The following SMYD3 variants were observed in gnomAD, a reference collection of about 807,000 sequenced individuals.
SMYD3 encodes the protein SET and MYND domain containing 3.
A neutral mutation model predicts 57.7 loss-of-function variants in SMYD3; 36 were observed. That is an observed-to-expected ratio of 0.62 (90% confidence interval 0.48 to 0.82). The LOEUF is 0.82. SMYD3 is among the 40% of genes least tolerant of loss of function. The probability of loss-of-function intolerance (pLI) is 0.00; values close to 1 mark genes in which losing one functional copy is unlikely to be tolerated. For missense variants in SMYD3, 515 were observed against 538.8 expected (o/e 0.96, Z 0.44); for synonymous variants, 211 against 195.0 (o/e 1.08, Z -0.68).
chr1:245,939,729 G>C (rs1324091173), intron 5 of SMYD3, among the ~76,000 whole-genome samples: 1 of 152,178 alleles, frequency 6.6e-6, no homozygotes, highest in Non-Finnish European at 1.5e-5. Context: ...CTCTTCTCTA[G>C]TGTCTGCCTT....
intron 1 of SMYD3, among the ~76,000 whole-genome samples, chr1:246,477,910 G>A (rs2068049620): frequency 1.3e-5 from 2 of 152,162 alleles, no homozygotes; most frequent in Non-Finnish European, 2.9e-5. Context: ...CTACACTACT[G>A]GTACTAAGAC....
intron 1 of SMYD3, among the ~76,000 whole-genome samples, chr1:246,433,033 T>C (rs1164776725): frequency 6.6e-6 from 1 of 152,166 alleles, no homozygotes; most frequent in South Asian, 2.1e-4. Flanking sequence ...TCAAACTCTC[T>C]CTCTTTGCAG....
Position 246,507,097 on chromosome 1 carries a change from A to G in SMYD3, c.121T>C (p.Cys41Arg). The G allele has an allele frequency of 5.9e-6, 9 of 1,528,468 alleles. No homozygotes were observed. The highest frequency in any genetic ancestry group is 7.9e-6 in the Non-Finnish European group (9 of 1,137,986). 94.7% of individuals were successfully genotyped at this position (1,528,468 alleles called of 1,614,324 possible). Reference sequence around the variant, plus strand: ...CAGACGACGCCACGACTCCCCTTGCACACCGTGTACGCCAAGGGATCCGAG... The same window carrying G: ...CAGACGACGCCACGACTCCCCTTGCGCACCGTGTACGCCAAGGGATCCGAG... The part of the protein sequence containing the change: ...FRSDPLAYTV[C>R]KGSRGVVCDR... The change falls in exon 1 of 12, where the codon TGC becomes CGC. Residue 41 changes from cysteine (C) to arginine (R), a missense_variant. By Grantham distance (180) the Cys-to-Arg change is radical. Coordinates refer to ENST00000490107, the MANE Select transcript of SMYD3 (RefSeq NM_001167740.2).
chr1:245,921,264 A>G (rs2055904861), intron 7 of SMYD3, among the ~76,000 whole-genome samples: 1 of 152,194 alleles, frequency 6.6e-6, no homozygotes. Flanking sequence ...CTATTACTAA[A>G]AAGTCCAAAA....
rs572799416 is a variant in SMYD3, at chr1:246,449,976, C to G, written c.164+57078G>C. ...TTGACTACTGTGACAGAAAATGACC[C>G]AAACTAGTTCATGTAAAATCTCATC... On this transcript the variant is annotated intron_variant, in intron 1 of 11. Transcript: ENST00000490107. Among the ~76,000 whole-genome samples the G allele has an allele frequency of 7.2e-5, 11 of 152,218 alleles. 2 individuals are homozygous for G. In the South Asian group the frequency reaches 2.3e-3, roughly 32 times the overall value.
intron 5 of SMYD3, among the ~76,000 whole-genome samples, chr1:246,122,569 C>G (rs2061440198): frequency 6.6e-6 from 1 of 152,206 alleles, no homozygotes; most frequent in Non-Finnish European, 1.5e-5. Flanking sequence ...ATATTAATCC[C>G]ATTACATGCT....
At chr1:246,384,267 G>C (rs2066433772) in intron 1 of SMYD3, among the ~76,000 whole-genome samples, 1 of 152,070 alleles carries the variant, frequency 6.6e-6, no homozygotes, top group South Asian at 2.1e-4. Flanking sequence ...TAAACCTTCA[G>C]AGTTTCCATT....
At chr1:245,786,221 G>GGGGA (rs1553321397) in intron 10 of SMYD3, among the ~76,000 whole-genome samples, 1 of 147,354 alleles carries the variant, frequency 6.8e-6, no homozygotes, top group Non-Finnish European at 1.5e-5. Context: ...GACGGGGGGG[G>GGGGA]GATGGTGGCA....
intron 10 of SMYD3, among the ~76,000 whole-genome samples, chr1:245,798,484 CCACA>C (rs146927711): frequency 0.037 from 4,856 of 132,132 alleles, 98 homozygotes; most frequent in Middle Eastern, 0.12. Flanking sequence ...ACACAACACA[CCACA>C]CACACACACA....
intron 5 of SMYD3, among the ~76,000 whole-genome samples, chr1:245,949,469 A>C (rs2057543156): frequency 6.6e-6 from 1 of 152,124 alleles, no homozygotes; most frequent in Non-Finnish European, 1.5e-5. Context: ...AAGAAAAAAA[A>C]TCATATGGAG....
intron 8 of SMYD3, among the ~76,000 whole-genome samples, chr1:245,892,193 G>T (rs1201172020): frequency 6.6e-6 from 1 of 152,138 alleles, no homozygotes; most frequent in Non-Finnish European, 1.5e-5. Context: ...AGAAAATTAT[G>T]TGAACAATTC....
chr1:246,209,438 A>AT (rs2063052937), intron 5 of SMYD3, among the ~76,000 whole-genome samples: 1 of 152,212 alleles, frequency 6.6e-6, no homozygotes, highest in South Asian at 2.1e-4. Flanking sequence ...CAGGGTATAT[A>AT]TAACAAGAGG....
At chr1:246,100,370 G>A (rs532208660) in intron 5 of SMYD3, among the ~76,000 whole-genome samples, 7 of 152,326 alleles carry the variant, frequency 4.6e-5, no homozygotes, top group African/African-American at 1.7e-4. Flanking sequence ...CCGCTGCCTG[G>A]CAGCATGACG....
chr1:246,006,401 C>T (rs2059169115), intron 5 of SMYD3, among the ~76,000 whole-genome samples: 1 of 152,068 alleles, frequency 6.6e-6, no homozygotes, highest in Non-Finnish European at 1.5e-5. Flanking sequence ...ACGTAGGTTC[C>T]TCTTCCTACC....
At chr1:246,500,258 CT>C (rs1321810872) in intron 1 of SMYD3, among the ~76,000 whole-genome samples, 1 of 152,174 alleles carries the variant, frequency 6.6e-6, no homozygotes, top group Non-Finnish European at 1.5e-5. Flanking sequence ...GCCTTTTTGG[CT>C]TTTTCGATAG....
intron 1 of SMYD3, among the ~76,000 whole-genome samples, chr1:246,365,860 G>A (rs1033886090): frequency 8.5e-5 from 13 of 152,148 alleles, no homozygotes; most frequent in Admixed American, 5.9e-4. Flanking sequence ...TCTGAGAACC[G>A]CAGCCAAAAC....
At chr1:246,106,263 C>T (rs1170926766) in intron 5 of SMYD3, among the ~76,000 whole-genome samples, 1 of 152,134 alleles carries the variant, frequency 6.6e-6, no homozygotes, top group African/African-American at 2.4e-5. Flanking sequence ...CCTCAAAAGA[C>T]CACGACGGCA....
intron 5 of SMYD3, chr1:246,178,824 C>CA (rs11362321): frequency 7.4e-4 from 106 of 144,146 alleles, no homozygotes; most frequent in African/African-American, 1.5e-3. Context: ...TATTTGTGAC[C>CA]AAAAAAAAAA....
At chr1:245,983,309 G>A (rs1044328855) in intron 5 of SMYD3, among the ~76,000 whole-genome samples, 4 of 152,170 alleles carry the variant, frequency 2.6e-5, no homozygotes, top group African/African-American at 9.7e-5. Flanking sequence ...TTAATGACTA[G>A]TTACAGCAAA....
Sources: allele counts gnomAD v4.1 joint callset (sites outside exome capture counted in the v4.1 genomes callset), GRCh38; gene constraint gnomAD v4.1.1; transcripts MANE v1.5; gene names NCBI Gene and HGNC (gene_info 2026-07-23, HGNC 2026-07-21).